The following ANKS1B variants were observed in gnomAD, a reference collection of about 807,000 sequenced individuals.
ANKS1B encodes the protein ankyrin repeat and sterile alpha motif domain-containing protein 1B.
In ANKS1B, 36 loss-of-function variants were observed where a neutral mutation model predicts 148.3. That is an observed-to-expected ratio of 0.24 (90% CI 0.19 to 0.32). ANKS1B has a LOEUF of 0.32. Ranked by LOEUF, ANKS1B falls within the 10% of genes least tolerant of loss-of-function variation. The pLI is 1.00. For synonymous variants in ANKS1B, 542 were observed against 560.8 expected, an observed-to-expected ratio of 0.97 and a Z score of 0.47; for missense variants, 1,157 against 1,542.6, an observed-to-expected ratio of 0.75 and a Z score of 4.19.
chr12:99,687,916 G>T (rs1050750840), intron 8 of ANKS1B, among the ~76,000 whole-genome samples: 1 of 152,096 alleles, frequency 6.6e-6, no homozygotes, highest in African/African-American at 2.4e-5. Flanking sequence ...TTAGGTGCCA[G>T]ATTTTGTTAT....
chr12:99,094,893 TG>T (rs1393178559), intron 15 of ANKS1B, among the ~76,000 whole-genome samples: 2 of 152,048 alleles, frequency 1.3e-5, no homozygotes, highest in African/African-American at 2.4e-5. Flanking sequence ...GTGTGGAGAA[TG>T]GATGGAGAAA....
chr12:99,590,772 A>G (rs1029591831), intron 9 of ANKS1B, among the ~76,000 whole-genome samples: 2 of 152,230 alleles, frequency 1.3e-5, no homozygotes, highest in Non-Finnish European at 2.9e-5. Context: ...TTATTTCCGA[A>G]TAAGGGTTTG....
intron 8 of ANKS1B, among the ~76,000 whole-genome samples, chr12:99,681,003 GGA>G (rs778059029): frequency 6.6e-6 from 1 of 152,040 alleles, no homozygotes; most frequent in Non-Finnish European, 1.5e-5. Context: ...TCCTGCCCAA[GGA>G]GAGTCTGAGC....
intron 10 of ANKS1B, among the ~76,000 whole-genome samples, chr12:99,488,155 C>G (rs1288083303): frequency 6.6e-6 from 1 of 151,966 alleles, no homozygotes; most frequent in Non-Finnish European, 1.5e-5. Context: ...CCTGCAATGC[C>G]TTTCTTTATG....
At chr12:99,186,975 G>A (rs543237186) in intron 14 of ANKS1B, among the ~76,000 whole-genome samples, 1 of 149,474 alleles carries the variant, frequency 6.7e-6, no homozygotes, top group East Asian at 2.2e-4. Flanking sequence ...AGAATAACCA[G>A]TTTAGAGAAG....
chr12:98,761,878 CTCTT>C (rs1222465186), intron 25 of ANKS1B, among the ~76,000 whole-genome samples: 2 of 152,200 alleles, frequency 1.3e-5, no homozygotes, highest in Non-Finnish European at 2.9e-5. Flanking sequence ...TGGGAGGCTG[CTCTT>C]TCTGAGTGGA....
intron 17 of ANKS1B, among the ~76,000 whole-genome samples, chr12:99,051,058 A>G (rs192245288): frequency 6.6e-5 from 10 of 152,240 alleles, no homozygotes; most frequent in South Asian, 2.1e-4. Flanking sequence ...GTGGTGGATC[A>G]GTCCCTAAGC....
chr12:98,847,042 A>G (rs1401828467), intron 17 of ANKS1B, among the ~76,000 whole-genome samples: 1 of 152,198 alleles, frequency 6.6e-6, no homozygotes, highest in Non-Finnish European at 1.5e-5. Context: ...CACCATCAAG[A>G]CTATAAGCAT....
chr12:99,841,528 G>A (rs1009726194), intron 1 of ANKS1B, among the ~76,000 whole-genome samples: 1 of 151,768 alleles, frequency 6.6e-6, no homozygotes, highest in African/African-American at 2.4e-5. Context: ...AGAGTTTGGG[G>A]CCTTTTTTCT....
chr12:99,724,320 T>C (rs1225222395), intron 8 of ANKS1B, among the ~76,000 whole-genome samples: 3 of 152,158 alleles, frequency 2.0e-5, no homozygotes, highest in Non-Finnish European at 2.9e-5. Flanking sequence ...AATAACCTGA[T>C]GGAGCTGAAA....
At chr12:98,840,025 C>T (rs775380790) in intron 17 of ANKS1B, among the ~76,000 whole-genome samples, 6 of 152,248 alleles carry the variant, frequency 3.9e-5, no homozygotes, top group South Asian at 4.1e-4. Context: ...ATCTAGCTCA[C>T]GAATACAACT....
At chr12:99,557,922 G>A (rs1002502183) in intron 9 of ANKS1B, among the ~76,000 whole-genome samples, 2 of 152,120 alleles carry the variant, frequency 1.3e-5, no homozygotes, top group South Asian at 4.1e-4. Context: ...GACTTTAGGG[G>A]GCCAAGGCTC....
intron 10 of ANKS1B, among the ~76,000 whole-genome samples, chr12:99,481,568 G>A (rs2096411317): frequency 6.6e-6 from 1 of 151,772 alleles, no homozygotes; most frequent in South Asian, 2.1e-4. Context: ...TAGTAGGATT[G>A]CTGTATCCAT....
At chr12:99,491,537 C>A (rs1371930815) in intron 10 of ANKS1B, among the ~76,000 whole-genome samples, 3 of 152,078 alleles carry the variant, frequency 2.0e-5, no homozygotes, top group African/African-American at 7.2e-5. Context: ...TCACCCTCTT[C>A]CCACCCTCCA....
intron 12 of ANKS1B, among the ~76,000 whole-genome samples, chr12:99,283,455 CTG>C (rs1444125311): frequency 3.9e-5 from 6 of 152,110 alleles, no homozygotes; most frequent in African/African-American, 1.4e-4. Flanking sequence ...TGTTCTCTTC[CTG>C]TGTTTTGTGA....
chr12:99,432,415 C>T (rs977398150), intron 11 of ANKS1B, among the ~76,000 whole-genome samples: 1 of 152,054 alleles, frequency 6.6e-6, no homozygotes, highest in African/African-American at 2.4e-5. Flanking sequence ...AGTTGTGAAC[C>T]AGGTACTGTT....
intron 8 of ANKS1B, among the ~76,000 whole-genome samples, chr12:99,681,753 C>T (rs766770703): frequency 1.3e-5 from 2 of 152,146 alleles, no homozygotes; most frequent in Non-Finnish European, 2.9e-5. Context: ...ACCAAAAAGA[C>T]AACTCTGCTA....
intron 1 of ANKS1B, among the ~76,000 whole-genome samples, chr12:99,872,950 T>C (rs2091693395): frequency 6.6e-6 from 1 of 152,146 alleles, no homozygotes; most frequent in Non-Finnish European, 1.5e-5. Flanking sequence ...CCCCCAAATC[T>C]ATGTTCTTTG....
intron 12 of ANKS1B, among the ~76,000 whole-genome samples, chr12:99,382,717 AAGAG>A (rs35016409): frequency 2.7e-5 from 3 of 113,144 alleles, no homozygotes; most frequent in Non-Finnish European, 3.4e-5. Context: ...AAAAAAAAAA[AAGAG>A]AGAGAGAGAG....
Sources: allele counts gnomAD v4.1 joint callset (sites outside exome capture counted in the v4.1 genomes callset), GRCh38; gene constraint gnomAD v4.1.1; transcripts MANE v1.5; gene names NCBI Gene and HGNC (gene_info 2026-07-23, HGNC 2026-07-21).